SH3GL2: variants seen among roughly 807,000 people sequenced by gnomAD.
SH3GL2 encodes the protein SH3 domain containing GRB2 like 2, endophilin A1.
A neutral mutation model predicts 46.0 loss-of-function variants in SH3GL2; 24 were observed. That is an observed-to-expected ratio of 0.52 (90% confidence interval 0.38 to 0.73). The LOEUF (loss-of-function observed/expected upper bound fraction) is 0.73, where lower values mean the gene tolerates loss of function less well. Among genes scored for constraint, SH3GL2 ranks in the 30% least tolerant of loss-of-function variants. The probability of loss-of-function intolerance (pLI) is 0.00; values close to 1 mark genes in which losing one functional copy is unlikely to be tolerated. For missense variants in SH3GL2, 413 were observed against 424.2 expected (o/e 0.97, Z 0.23); for synonymous variants, 196 against 147.1 (o/e 1.33, Z -2.40).
intron 1 of SH3GL2, among the ~76,000 whole-genome samples, chr9:17,628,375 C>T (rs932447663): frequency 1.3e-5 from 2 of 151,596 alleles, no homozygotes; most frequent in Admixed American, 6.6e-5. Flanking sequence ...AAAAATGCAT[C>T]TCTAGTTCTG....
intron 1 of SH3GL2, among the ~76,000 whole-genome samples, chr9:17,643,654 G>A (rs1028063559): frequency 6.6e-5 from 10 of 152,180 alleles, no homozygotes; most frequent in Non-Finnish European, 1.5e-4. Context: ...TGTATATGTT[G>A]AAGCAGCCTT....
At chr9:17,605,118 A>G (rs1396628030) in intron 1 of SH3GL2, among the ~76,000 whole-genome samples, 2 of 151,864 alleles carry the variant, frequency 1.3e-5, no homozygotes, top group East Asian at 3.9e-4. Context: ...GAATACAGGC[A>G]TTCACCACCA....
rs568705185 is a variant in SH3GL2, at chr9:17,661,680, A to T, written c.45+82393A>T. On this transcript the variant is annotated intron_variant, in intron 1 of 8. Coordinates refer to ENST00000380607, the MANE Select transcript of SH3GL2 (RefSeq NM_003026.5). ...AACAAAACATGCCCTTGGGGTATTG[A>T]TGTAATCTTTTTTTTAACTAATAGG... 1.5e-4 allele frequency among the ~76,000 whole-genome samples: 23 copies of T among 152,304 alleles called. No individual in the cohort carries two copies. The South Asian group carries it at 4.8e-3, about 32-fold the overall frequency.
chr9:17,734,596 A>G (rs978565291), intron 1 of SH3GL2, among the ~76,000 whole-genome samples: 9 of 152,192 alleles, frequency 5.9e-5, no homozygotes, highest in African/African-American at 1.2e-4. Context: ...TGGATTATCC[A>G]TACAATGAAA....
chr9:17,729,482 A>G (rs965680685), intron 1 of SH3GL2, among the ~76,000 whole-genome samples: 3 of 152,070 alleles, frequency 2.0e-5, no homozygotes, highest in African/African-American at 7.2e-5. Flanking sequence ...CCATTTGTCA[A>G]TTTTGGCTTT....
chr9:17,659,197 T>C (rs1820156407), intron 1 of SH3GL2, among the ~76,000 whole-genome samples: 1 of 152,178 alleles, frequency 6.6e-6, no homozygotes, highest in Non-Finnish European at 1.5e-5. Context: ...TTCCTGTATT[T>C]ACACTGGGAT....
In SH3GL2 at chr9:17,787,399, C is replaced by T. The variant is rs370650639; in HGVS notation, c.351C>T (p.Val117=). Residue 117 remains valine (V), a synonymous_variant, in exon 5 of 9, where the codon GTC becomes GTT. Transcript: ENST00000380607. The part of the protein sequence containing the change: ...DCNFGPALGE[V]GEAMRELSEV... ...TCCTAGGCCCAGCACTTGGTGAGGT[C>T]GGGGAGGCCATGCGGGAACTGTCGG... The T allele has an allele frequency of 2.3e-5, 37 of 1,612,776 alleles. No individual in the cohort carries two copies. The highest frequency in any genetic ancestry group is 3.3e-4 in the Middle Eastern group (2 of 6,070).
chr9:17,778,841 A>G (rs1303744774), intron 3 of SH3GL2, among the ~76,000 whole-genome samples: 1 of 152,170 alleles, frequency 6.6e-6, no homozygotes, highest in African/African-American at 2.4e-5. Context: ...TATGAAGTCT[A>G]GTGCCTGAGC....
intron 1 of SH3GL2, among the ~76,000 whole-genome samples, chr9:17,621,312 A>G (rs759003299): frequency 6.6e-6 from 1 of 152,244 alleles, no homozygotes; most frequent in Non-Finnish European, 1.5e-5. Context: ...CGAATCATAC[A>G]TATCACAAAA....
chr9:17,636,828 T>C (rs932834549), intron 1 of SH3GL2, among the ~76,000 whole-genome samples: 10 of 152,238 alleles, frequency 6.6e-5, no homozygotes, highest in Admixed American at 5.2e-4. Context: ...TCTCTACTTA[T>C]TGTTATAACA....
intron 1 of SH3GL2, among the ~76,000 whole-genome samples, chr9:17,593,596 C>T (rs1818522600): frequency 6.6e-6 from 1 of 152,128 alleles, no homozygotes; most frequent in Non-Finnish European, 1.5e-5. Context: ...CATGGCCCTT[C>T]CCATACATAA....
intron 1 of SH3GL2, among the ~76,000 whole-genome samples, chr9:17,662,135 T>C (rs1206386056): frequency 6.6e-6 from 1 of 152,224 alleles, no homozygotes; most frequent in African/African-American, 2.4e-5. Flanking sequence ...CTTTGTGTTC[T>C]GTAAATGTCA....
intron 1 of SH3GL2, among the ~76,000 whole-genome samples, chr9:17,665,622 G>A (rs909896957): frequency 4.6e-5 from 7 of 151,918 alleles, no homozygotes; most frequent in Non-Finnish European, 1.0e-4. Context: ...TGGCCAGTAA[G>A]AGCCCCGTCA....
chr9:17,764,226 A>G (rs2131155640), intron 3 of SH3GL2, among the ~76,000 whole-genome samples: 1 of 152,336 alleles, frequency 6.6e-6, no homozygotes, highest in African/African-American at 2.4e-5. Flanking sequence ...AGAAGAGTCC[A>G]GAACAAAACG....
intron 1 of SH3GL2, among the ~76,000 whole-genome samples, chr9:17,623,809 C>G (rs1055621756): frequency 1.3e-5 from 2 of 151,768 alleles, no homozygotes; most frequent in African/African-American, 4.8e-5. Flanking sequence ...TTCTAATTAC[C>G]TAAGTATTTA....
At chr9:17,677,999 G>A (rs150342654) in intron 1 of SH3GL2, among the ~76,000 whole-genome samples, 10,386 of 152,142 alleles carry the variant, frequency 0.068, 552 homozygotes, top group Admixed American at 0.17. Context: ...TGGTGTGTAC[G>A]TGCCACATTT....
chr9:17,667,904 A>G lies in SH3GL2; in HGVS notation c.46-79162A>G, dbSNP rs1820385359. On this transcript the variant is annotated intron_variant, in intron 1 of 8. Transcript: ENST00000380607. ...TTGATTTGTGTTTCTCTTAAGACTA[A>G]GGATGTTGAGCATCTCTTCATGTGC... Among the ~76,000 whole-genome samples the G allele has an allele frequency of 2.0e-5, 3 of 152,186 alleles. No individual in the cohort carries two copies. In the South Asian group the frequency reaches 6.2e-4, roughly 32 times the overall value.
At chr9:17,750,330 A>C (rs1307690132) in intron 2 of SH3GL2, among the ~76,000 whole-genome samples, 3 of 149,046 alleles carry the variant, frequency 2.0e-5, no homozygotes, top group South Asian at 2.1e-4. Context: ...TTAGATAACA[A>C]AATGAAATAA....
chr9:17,649,129 C>G (rs571883885), intron 1 of SH3GL2, among the ~76,000 whole-genome samples: 1 of 152,156 alleles, frequency 6.6e-6, no homozygotes, highest in Non-Finnish European at 1.5e-5. Context: ...GAGAAAGAGT[C>G]TTACCCTGTC....
Sources: gnomAD v4.1 joint callset for allele counts (sites outside exome capture counted in the v4.1 genomes callset) on GRCh38, gnomAD v4.1.1 for gene constraint, MANE v1.5 for transcripts, NCBI Gene and HGNC (gene_info 2026-07-23, HGNC 2026-07-21) for gene names.